The following VRK2 variants were observed in gnomAD, a reference collection of about 807,000 sequenced individuals.
VRK2 encodes VRK serine/threonine kinase 2.
A neutral mutation model predicts 57.6 loss-of-function variants in VRK2; 60 were observed. The ratio of observed to expected loss-of-function variants is 1.04; its 90% CI spans 0.85 to 1.29. The LOEUF (loss-of-function observed/expected upper bound fraction) is 1.29, where lower values mean the gene tolerates loss of function less well. VRK2 is among the 50% of genes most tolerant of loss of function. The probability of loss-of-function intolerance (pLI) is 0.00; values close to 1 mark genes in which losing one functional copy is unlikely to be tolerated. For synonymous variants in VRK2, 231 were observed against 199.2 expected, an observed-to-expected ratio of 1.16 and a Z score of -1.35; for missense variants, 705 against 588.1, an observed-to-expected ratio of 1.20 and a Z score of -2.06.
rs1679254833 is a variant in VRK2 at position 58,131,913 on chromosome 2, A to C, written c.782A>C (p.Gln261Pro). ...AACCTGAAGGACCCTGTGGCTGTGC[A>C]GACTGCTAAAACAAAGTACAAATTT... ...EQNLKDPVAV[Q>P]TAKTNLLDEL... The change falls in exon 9 of 13, where the codon CAG becomes CCG. Residue 261 changes from glutamine to proline, a missense_variant. Coordinates refer to ENST00000340157, the MANE Select transcript of VRK2 (RefSeq NM_006296.7). 1 of 1,614,154 alleles carries C rather than the reference A, an allele frequency of 6.2e-7. No homozygotes were observed. Among genetic ancestry groups the C allele is most frequent in the Non-Finnish European group, 8.5e-7 (1 of 1,179,978 alleles).
chr2:57,931,553 T>C (rs544909785), intron 1 of VRK2, among the ~76,000 whole-genome samples: 3 of 152,328 alleles, frequency 2.0e-5, no homozygotes, highest in Non-Finnish European at 4.4e-5. Context: ...AAATATATTA[T>C]CTCATTCCAT....
intron 3 of VRK2, among the ~76,000 whole-genome samples, chr2:58,039,755 G>T (rs116243642): frequency 4.0e-5 from 6 of 151,878 alleles, no homozygotes; most frequent in Non-Finnish European, 7.4e-5. Context: ...AACCTTTTAC[G>T]GGATAAAAAA....
intron 2 of VRK2, chr2:58,026,927 C>T (rs1350005532): frequency 6.6e-6 from 1 of 151,142 alleles, no homozygotes; most frequent in African/African-American, 2.4e-5. Flanking sequence ...TGGGATCTCA[C>T]TTTGTTGCCT....
rs770304280 is a variant in VRK2, at chr2:58,084,149, C to A, written c.186+11C>A. 6.3e-7 allele frequency: 1 copy of A among 1,597,842 alleles called. No individual in the cohort carries two copies. The highest frequency in any genetic ancestry group is 8.5e-7 in the Non-Finnish European group (1 of 1,170,346). ...CATGTAGTAAAAGTGGTAAGTGTTG[C>A]TCATAGATTTGTATTTCACATATAT... is the stretch of plus-strand genomic sequence containing the variant. On this transcript the variant is annotated intron_variant, in intron 3 of 12. Transcript: ENST00000340157.
rs115992943 is a variant in VRK2, at chr2:58,129,155, A to G, written c.677-2653A>G. 5.5e-3 allele frequency among the ~76,000 whole-genome samples: 832 copies of G among 152,320 alleles called. 11 individuals carry two copies. The highest frequency in any genetic ancestry group is 0.019 in the African/African-American group (787 of 41,582). On this transcript the variant is annotated intron_variant, in intron 8 of 12. Transcript: ENST00000340157. ...TTAGAAATCTAAACTAAATCTCATT[A>G]CAGTTCCAAGCAATAATAAGTAAAC...
At chr2:58,030,723 T>C (rs1186829187) in intron 2 of VRK2, among the ~76,000 whole-genome samples, 1 of 152,052 alleles carries the variant, frequency 6.6e-6, no homozygotes, top group Non-Finnish European at 1.5e-5. Flanking sequence ...GGCTTGTTAG[T>C]TGCTTGTGAT....
chr2:58,062,041 C>T (rs1483560864), intron 2 of VRK2, among the ~76,000 whole-genome samples: 6 of 152,082 alleles, frequency 3.9e-5, no homozygotes, highest in Non-Finnish European at 8.8e-5. Context: ...AACCCTGCAT[C>T]AACCAAATCT....
chr2:57,917,628 A>G (rs1670200225), intron 1 of VRK2, among the ~76,000 whole-genome samples: 1 of 151,110 alleles, frequency 6.6e-6, no homozygotes, highest in East Asian at 1.9e-4. Flanking sequence ...GTTTGGGGTA[A>G]TGGTATCTAG....
chr2:57,977,648 T>C (rs1672292747), intron 1 of VRK2, among the ~76,000 whole-genome samples: 1 of 151,316 alleles, frequency 6.6e-6, no homozygotes, highest in South Asian at 2.1e-4. Context: ...ACATATAGAC[T>C]GATATCATCT....
chr2:58,052,543 C>T (rs927704109), intron 2 of VRK2, among the ~76,000 whole-genome samples: 1 of 146,114 alleles, frequency 6.8e-6, no homozygotes, highest in Non-Finnish European at 1.5e-5. Context: ...GAGGAGGTTG[C>T]AGTGAGCCAA....
rs1684725945 is a variant in VRK2 at position 58,159,489 on chromosome 2, A to T, written c.1323A>T (p.Ile441=). ...ATCAAGATTTTACCAGTCCAGATATATTCAAGAAGTCAAGATCTCCATCTT... is the reference window on the plus strand; with the variant it reads ...ATCAAGATTTTACCAGTCCAGATATTTTCAAGAAGTCAAGATCTCCATCTT... ...EPHQDFTSPD[I]FKKSRSPSWY... The change falls in exon 13 of 13, where the codon ATA becomes ATT. Residue 441 remains isoleucine, a synonymous_variant. Coordinates refer to ENST00000340157, the MANE Select transcript of VRK2 (RefSeq NM_006296.7). The T allele has an allele frequency of 1.1e-5, 18 of 1,613,746 alleles. No individual in the cohort carries two copies. Among genetic ancestry groups the T allele is most frequent in the Non-Finnish European group, 1.4e-5 (17 of 1,179,784 alleles).
intron 1 of VRK2, among the ~76,000 whole-genome samples, chr2:57,975,136 G>C (rs1310344899): frequency 2.0e-5 from 3 of 151,742 alleles, no homozygotes; most frequent in African/African-American, 4.8e-5. Context: ...CATTTTTAAA[G>C]TAAAATTTGT....
intron 3 of VRK2, 44 bp from the exon 4 acceptor site, chr2:58,084,837 G>C (rs1026247491): frequency 4.0e-6 from 5 of 1,247,522 alleles, no homozygotes; most frequent in Admixed American, 4.3e-5. Flanking sequence ...TCCATCTTTG[G>C]GATTATTTTT....
chr2:57,986,323 C>A (rs1315463926), intron 1 of VRK2, among the ~76,000 whole-genome samples: 1 of 152,006 alleles, frequency 6.6e-6, no homozygotes, highest in Admixed American at 6.5e-5. Context: ...TCAGCTTCTT[C>A]AAACTGATAG....
chr2:58,063,247 T>TG (rs916039918), intron 2 of VRK2, among the ~76,000 whole-genome samples: 4 of 151,664 alleles, frequency 2.6e-5, no homozygotes, highest in African/African-American at 9.7e-5. Flanking sequence ...TTTTGTTTTT[T>TG]TTTTTTTTTT....
chr2:58,046,984 G>A (rs1434401932), intron 1 of VRK2, 116 bp downstream of exon 1: 2 of 985,050 alleles, frequency 2.0e-6, no homozygotes, highest in Non-Finnish European at 1.2e-6. Flanking sequence ...GGGACTCCGG[G>A]CCGTCCCAGC....
At chr2:58,154,936 G>T (rs376348269) in intron 12 of VRK2, 18 of 495,258 alleles carry the variant, frequency 3.6e-5, no homozygotes, top group East Asian at 1.9e-4. Context: ...TTAGAAATGT[G>T]TTAATTCCCA....
chr2:57,966,314 T>C (rs1671914936), intron 1 of VRK2, among the ~76,000 whole-genome samples: 1 of 152,186 alleles, frequency 6.6e-6, no homozygotes, highest in Non-Finnish European at 1.5e-5. Context: ...AACAAGCTAG[T>C]AGTCACACTG....
At chr2:58,120,165 G>A (rs1366346008) in intron 7 of VRK2, among the ~76,000 whole-genome samples, 1 of 103,156 alleles carries the variant, frequency 9.7e-6, no homozygotes, top group Non-Finnish European at 2.0e-5. Flanking sequence ...TTAGCTTTTT[G>A]TCTATTTTTT....
Sources: gnomAD v4.1 joint callset for allele counts (sites outside exome capture counted in the v4.1 genomes callset) on GRCh38, gnomAD v4.1.1 for gene constraint, MANE v1.5 for transcripts, NCBI Gene and HGNC (gene_info 2026-07-23, HGNC 2026-07-21) for gene names.